SLC11A1: variants seen among roughly 807,000 people sequenced by gnomAD.
The protein encoded by SLC11A1 is natural resistance-associated macrophage protein 1.
A neutral mutation model predicts 63.2 loss-of-function variants in SLC11A1; 59 were observed. The ratio of observed to expected loss-of-function variants is 0.93; its 90% CI spans 0.76 to 1.16. SLC11A1 has a LOEUF of 1.16. SLC11A1 is among the 50% of genes most tolerant of loss of function. The pLI is 0.00. For missense variants in SLC11A1, 688 were observed against 730.7 expected, an observed-to-expected ratio of 0.94 and a Z score of 0.67; for synonymous variants, 305 against 307.8, an observed-to-expected ratio of 0.99 and a Z score of 0.09.
rs1574784264 is a variant in SLC11A1 at position 218,395,789 on chromosome 2, T to G, written c.*754T>G. ...TAAATAAATACTAGTTCCCTTCTCG[T>G]CCAAAGGAGCAGGGAATGGGAACCG... is the stretch of plus-strand genomic sequence containing the variant. On this transcript the variant is annotated 3_prime_UTR_variant, in exon 15 of 15. Coordinates refer to ENST00000233202, the MANE Select transcript of SLC11A1 (RefSeq NM_000578.4). 6.6e-6 allele frequency: 1 copy of G among 152,392 alleles called. No homozygotes were observed. The highest frequency in any genetic ancestry group is 2.4e-5 in the African/African-American group (1 of 41,532). The allele number at this position is 152,392 out of a possible 1,614,324, so 9.4% of individuals were successfully genotyped here. A position where few individuals can be genotyped will look rare whatever the true frequency, so the allele number is the denominator to read the frequency against.
At position 218,385,128 on chromosome 2, in the gene SLC11A1, T is replaced by C; in HGVS notation, c.274-19T>C. 2 of 1,612,822 alleles carry C rather than the reference T, an allele frequency of 1.2e-6. No homozygotes were observed. Among genetic ancestry groups the C allele is most frequent in the Non-Finnish European group, 1.7e-6 (2 of 1,179,548 alleles). On this transcript the variant is annotated intron_variant, in intron 3 of 14. Coordinates refer to ENST00000233202, the MANE Select transcript of SLC11A1 (RefSeq NM_000578.4). ...AGGCTGGCCTCTCTGGCTGAAGGCC[T>C]CTCCCTGCCTCCTCACAGCTTCTCT... is the stretch of plus-strand genomic sequence containing the variant.
rs1298398663 is a variant in SLC11A1 at position 218,393,123 on chromosome 2, G to C, written c.1307G>C (p.Ser436Thr). Reference protein sequence around the residue: ...GLNDLLNVLQSLLLPFAVLPI... With the variant: ...GLNDLLNVLQTLLLPFAVLPI... ...AATGATCTGCTCAACGTGCTGCAGA[G>C]CCTGCTGGTGAGATGCGCCAACCCC... is the stretch of plus-strand genomic sequence containing the variant. Residue 436 changes from serine (S) to threonine (T), a missense_variant, in exon 12 of 15, where the codon AGC becomes ACC. Transcript: ENST00000233202. 6.4e-7 allele frequency: 1 copy of C among 1,569,032 alleles called. No homozygotes were observed. The highest frequency in any genetic ancestry group is 8.6e-7 in the Non-Finnish European group (1 of 1,163,050).
chr2:218,389,817 CTG>C, intron 8 of SLC11A1, 51 bp from the exon 9 acceptor site: 10 of 1,555,722 alleles, frequency 6.4e-6, no homozygotes, highest in Non-Finnish European at 8.7e-6. Context: ...GTGGGGGACA[CTG>C]TGGTGGCTCT....
At chr2:218,383,255 G>T in intron 2 of SLC11A1, 153 bp downstream of exon 2, 2 of 759,238 alleles carry the variant, frequency 2.6e-6, no homozygotes, top group South Asian at 1.8e-5. Context: ...GCCCCTTCCT[G>T]CTTCCGTCCC....
intron 8 of SLC11A1, 61 bp from the exon 9 acceptor site, chr2:218,389,809 G>T (rs1696324547): frequency 6.5e-7 from 1 of 1,529,836 alleles, no homozygotes; most frequent in South Asian, 1.2e-5. Context: ...GTGTGAGGGT[G>T]GGGGACACTG....
rs1695962234 is a variant in SLC11A1, at chr2:218,384,350, C to T, written c.258C>T (p.Ala86=). ...GNIESDLQAG[A]VAGFKLLWVL... The stretch of plus-strand genomic sequence containing the variant: ...TCGAGTCAGATCTTCAGGCTGGCGC[C>T]GTGGCGGGATTCAAAGTAACTAAGT... The change falls in exon 3 of 15, where the codon GCC becomes GCT. Residue 86 remains alanine, a synonymous_variant. Transcript: ENST00000233202. The surrounding 1 kb of genome is among the most constrained non-coding windows in gnomAD (Gnocchi z 4.0). The T allele has an allele frequency of 8.7e-6, 14 of 1,603,364 alleles. No homozygotes were observed. The highest frequency in any genetic ancestry group is 1.3e-5 in the African/African-American group (1 of 74,814).
At chr2:218,389,168 TATG>T (rs1369910061) in intron 8 of SLC11A1, among the ~76,000 whole-genome samples, 3 of 151,464 alleles carry the variant, frequency 2.0e-5, no homozygotes, top group African/African-American at 7.3e-5. Context: ...AACAGAGAAA[TATG>T]ATAGAGAATG....
intron 14 of SLC11A1, 37 bp downstream of exon 14, chr2:218,394,822 A>G (rs774324870): frequency 3.7e-6 from 6 of 1,609,560 alleles, no homozygotes; most frequent in Non-Finnish European, 4.2e-6. Flanking sequence ...GGAATGGATG[A>G]GGGAAGGACA....
Position 218,387,797 on chromosome 2 carries a change from C to A in SLC11A1, c.640-3C>A. Reference sequence around the variant, plus strand: ...CTTGTCCTGACCAGGCTCCTCCCTGCAGTATGTGGTGGCGCGTCCTGAGCA... The same window carrying A: ...CTTGTCCTGACCAGGCTCCTCCCTGAAGTATGTGGTGGCGCGTCCTGAGCA... On this transcript the variant is annotated splice_region_variant and splice_polypyrimidine_tract_variant and intron_variant, in intron 7 of 14. Transcript: ENST00000233202. 1.2e-6 allele frequency: 2 copies of A among 1,609,966 alleles called. No individual in the cohort carries two copies. Among genetic ancestry groups the A allele is most frequent in the East Asian group, 2.2e-5 (1 of 44,770 alleles).
chr2:218,386,907 A>G (rs1696135805), intron 5 of SLC11A1, 166 bp downstream of exon 5: 3 of 668,814 alleles, frequency 4.5e-6, no homozygotes, highest in Admixed American at 2.4e-5. Context: ...CTAAAGTCAC[A>G]CAGATGTGAG....
In SLC11A1 at chr2:218,385,178, TG is replaced by T; in HGVS notation, c.308del (p.Gly103AlafsTer14). 6.2e-7 allele frequency: 1 copy of T among 1,614,012 alleles called. No individual in the cohort carries two copies. The highest frequency in any genetic ancestry group is 8.5e-7 in the Non-Finnish European group (1 of 1,179,916). On this transcript the variant is annotated frameshift_variant, in exon 4 of 15. Coordinates refer to ENST00000233202, the MANE Select transcript of SLC11A1 (RefSeq NM_000578.4). LOFTEE classifies it high-confidence loss of function. Reference protein sequence around the residue: ...LLWVLLWATVLGLLCQRLAAR... With the variant: ...LLWVLLWATVXGLLCQRLAAR... ...TGGGTGCTGCTCTGGGCCACCGTGT[TG>T]GGCTTGCTCTGCCAGCGACTGGCTG...
chr2:218,384,713 G>C lies in SLC11A1; in HGVS notation c.273+348G>C, dbSNP rs137892936. The C allele has an allele frequency of 0.071, 11,836 of 165,806 alleles. 452 individuals carry two copies. The highest frequency in any genetic ancestry group is 0.12 in the South Asian group (903 of 7,792). The allele number at this position is 165,806 out of a possible 1,614,324, so 10.3% of individuals were successfully genotyped here. A position where few individuals can be genotyped will look rare whatever the true frequency, so the allele number is the denominator to read the frequency against. On this transcript the variant is annotated intron_variant, in intron 3 of 14. Transcript: ENST00000233202. The surrounding 1 kb of genome is among the most constrained non-coding windows in gnomAD (Gnocchi z 4.0). ...CCTCCCGGGTTCAAGTGATTCTCCT[G>C]CCTCAGCCTCCTGAGTAGTGCATGC...
chr2:218,383,345 A>T (rs1695906502), intron 2 of SLC11A1: 1 of 515,144 alleles, frequency 1.9e-6, no homozygotes, highest in Non-Finnish European at 3.5e-6. Flanking sequence ...TTTCCTATGA[A>T]GGAAAAGAGG....
chr2:218,386,122 G>A (rs1327788493), intron 4 of SLC11A1, among the ~76,000 whole-genome samples: 1 of 152,182 alleles, frequency 6.6e-6, no homozygotes, highest in African/African-American at 2.4e-5. Flanking sequence ...GGGTTGCCTG[G>A]TGCCACTGCC....
At position 218,385,185 on chromosome 2, in the gene SLC11A1, G is replaced by A. The variant is rs748205730; in HGVS notation, c.312G>A (p.Leu104=). ...TGCTCTGGGCCACCGTGTTGGGCTT[G>A]CTCTGCCAGCGACTGGCTGCACGTC... ...WVLLWATVLG[L]LCQRLAARLG... is the part of the protein sequence containing the mutation. The change falls in exon 4 of 15, where the codon TTG becomes TTA. Residue 104 remains leucine (L), a synonymous_variant. Transcript: ENST00000233202. The A allele has an allele frequency of 6.2e-7, 1 of 1,614,032 alleles. No homozygotes were observed. Among genetic ancestry groups the A allele is most frequent in the Admixed American group, 1.7e-5 (1 of 60,012 alleles).
At position 218,385,221 on chromosome 2, in the gene SLC11A1, G is replaced by A; in HGVS notation, c.348G>A (p.Val116=). The stretch of plus-strand genomic sequence containing the variant: ...GACTGGCTGCACGTCTGGGCGTGGT[G>A]ACAGGCAAGGACTTGGGCGAGGTCT... ...CQRLAARLGV[V]TGKDLGEVCH... is the part of the protein sequence containing the mutation. Residue 116 remains valine, a synonymous_variant, in exon 4 of 15, where the codon GTG becomes GTA. Transcript: ENST00000233202. The A allele has an allele frequency of 6.2e-7, 1 of 1,614,080 alleles. No individual in the cohort carries two copies. Among genetic ancestry groups the A allele is most frequent in the Non-Finnish European group, 8.5e-7 (1 of 1,179,934 alleles).
chr2:218,386,460 A>T (rs1696110430), intron 4 of SLC11A1, among the ~76,000 whole-genome samples, 175 bp from the exon 5 acceptor site: 1 of 151,794 alleles, frequency 6.6e-6, no homozygotes, highest in Admixed American at 6.6e-5. Flanking sequence ...TTCGAAAAAA[A>T]AAAAAAAAGT....
intron 2 of SLC11A1, chr2:218,383,944 G>GC: frequency 4.8e-6 from 1 of 207,458 alleles, no homozygotes. Context: ...CCCTTAGACA[G>GC]CCCCCTGTGA....
At position 218,387,497 on chromosome 2, in the gene SLC11A1, C is replaced by A. The variant is rs546699383; in HGVS notation, c.572-68C>A. 105 of 1,494,804 alleles carry A rather than the reference C, an allele frequency of 7.0e-5. No individual in the cohort carries two copies. The South Asian group carries it at 1.1e-3, about 16-fold the overall frequency. The allele number at this position is 1,494,804 out of a possible 1,614,324, so 92.6% of individuals were successfully genotyped here. On this transcript the variant is annotated intron_variant, in intron 6 of 14. Transcript: ENST00000233202. ...GCCTAGAAGCGCTCGTAGTATTAGC[C>A]ATTACGAATTGTTGATGTCACAGAT...
Sources: gnomAD v4.1 joint callset for allele counts (sites outside exome capture counted in the v4.1 genomes callset) on GRCh38, gnomAD v4.1.1 for gene constraint, Gnocchi (gnomAD v3.1) non-coding constraint, MANE v1.5 for transcripts, NCBI Gene and HGNC (gene_info 2026-07-23, HGNC 2026-07-21) for gene names.